The following ABCC1 variants were observed in gnomAD, a reference collection of about 807,000 sequenced individuals.
ABCC1 encodes multidrug resistance-associated protein 1.
Under a neutral mutation model 172.9 loss-of-function variants are expected in ABCC1, and 83 were observed. The observed-to-expected ratio is 0.48, with a 90% CI of 0.40 to 0.58. ABCC1 has a LOEUF of 0.58. ABCC1 is among the 20% of genes least tolerant of loss of function. ABCC1 has a pLI of 0.00. For synonymous variants in ABCC1, 937 were observed against 825.2 expected (o/e 1.14, Z -2.32); for missense variants, 1,817 against 2,002.7 (o/e 0.91, Z 1.77).
Position 16,052,785 on chromosome 16 carries a change from C to T in ABCC1, c.1442C>T (p.Ala481Val). ...AVMVLMVPVN[A>V]VMAMKTKTYQ... ...ATGGTCCTCATGGTGCCCGTCAATG[C>T]TGTGATGGCGATGAAGACCAAGACG... The change falls in exon 11 of 31, where the codon GCT becomes GTT. Residue 481 changes from alanine to valine, a missense_variant. Physicochemically the swap from Ala to Val is moderately conservative, Grantham distance 64 (BLOSUM62 0). This residue lies in a region of ABCC1 where 1,412 missense variants were observed against 1,600.3 expected (regional missense o/e 0.88). Coordinates refer to ENST00000399410, the MANE Select transcript of ABCC1 (RefSeq NM_004996.4). 1 of 1,614,126 alleles carries T rather than the reference C, an allele frequency of 6.2e-7. No homozygotes were observed.
At chr16:16,085,712 G>A (rs1172528552) in intron 17 of ABCC1, among the ~76,000 whole-genome samples, 1 of 152,174 alleles carries the variant, frequency 6.6e-6, no homozygotes, top group South Asian at 2.1e-4. Context: ...CCTGGGAAGC[G>A]GAGATTACAG....
intron 19 of ABCC1, among the ~76,000 whole-genome samples, chr16:16,091,745 C>T (rs2051264858): frequency 6.6e-6 from 1 of 152,156 alleles, no homozygotes; most frequent in Non-Finnish European, 1.5e-5. Flanking sequence ...CAGGGCCTTC[C>T]AGGTGGGTTT....
At chr16:16,126,922 GAGAAAA>G (rs2045465642) in intron 26 of ABCC1, among the ~76,000 whole-genome samples, 1 of 152,140 alleles carries the variant, frequency 6.6e-6, no homozygotes, top group Non-Finnish European at 1.5e-5. Flanking sequence ...TTTATAGATG[GAGAAAA>G]AGGGAACCTG....
At chr16:16,102,985 G>A (rs924245907) in intron 20 of ABCC1, among the ~76,000 whole-genome samples, 3 of 152,318 alleles carry the variant, frequency 2.0e-5, no homozygotes, top group African/African-American at 4.8e-5. Context: ...TCCCTACATG[G>A]TGTGGGTCTT....
At chr16:16,049,353 G>A (rs1431929461) in intron 10 of ABCC1, among the ~76,000 whole-genome samples, 2 of 152,190 alleles carry the variant, frequency 1.3e-5, no homozygotes, top group Non-Finnish European at 2.9e-5. Flanking sequence ...TCATTGGCCA[G>A]CCTGGGTCAC....
At chr16:15,949,611 GCGCCGCCGC>G (rs554094723) in exon 1 of ABCC1, 26 of 163,584 alleles carry the variant, frequency 1.6e-4, 1 homozygote, top group South Asian at 3.6e-4. Flanking sequence ...CCGGCTCCCT[GCGCCGCCGC>G]CGCCGCCGCC....
intron 3 of ABCC1, among the ~76,000 whole-genome samples, chr16:16,013,917 C>T (rs45601533): frequency 0.4 from 60,578 of 151,766 alleles, 13,835 homozygotes; most frequent in Non-Finnish European, 0.52. Flanking sequence ...AGGCAGAGAG[C>T]AGGGGCGATG....
intron 19 of ABCC1, among the ~76,000 whole-genome samples, chr16:16,100,361 G>A (rs1030187224): frequency 6.7e-4 from 6 of 9,020 alleles, no homozygotes; most frequent in Admixed American, 2.2e-3. Context: ...GCTGGTAGGA[G>A]AGCGGGGGGG....
intron 7 of ABCC1, among the ~76,000 whole-genome samples, chr16:16,042,781 C>G (rs944673213): frequency 6.6e-6 from 1 of 151,960 alleles, no homozygotes; most frequent in Non-Finnish European, 1.5e-5. Context: ...ATACACCGCA[C>G]AATTCATGTA....
chr16:16,103,840 G>A (rs1308891543), intron 20 of ABCC1, among the ~76,000 whole-genome samples: 1 of 152,112 alleles, frequency 6.6e-6, no homozygotes, highest in Non-Finnish European at 1.5e-5. Flanking sequence ...GGTGGGTCTT[G>A]GTCTCACTGA....
intron 2 of ABCC1, among the ~76,000 whole-genome samples, chr16:16,008,277 A>T (rs553592042): frequency 1.2e-4 from 18 of 152,186 alleles, no homozygotes; most frequent in Non-Finnish European, 2.2e-4. Flanking sequence ...TTCTCAAGGC[A>T]TTCCTGGGAG....
At chr16:16,101,437 C>T (rs1269148611) in intron 19 of ABCC1, among the ~76,000 whole-genome samples, 1 of 152,202 alleles carries the variant, frequency 6.6e-6, no homozygotes, top group African/African-American at 2.4e-5. Context: ...CTGCAGCCCC[C>T]TCTTCCCTTC....
intron 30 of ABCC1, 27 bp from the exon 31 acceptor site, chr16:16,141,146 C>A (rs1266999052): frequency 2.5e-6 from 4 of 1,607,550 alleles, no homozygotes; most frequent in Admixed American, 3.3e-5. Flanking sequence ...TCCCCTTCCC[C>A]TCATGTCTGT....
intron 1 of ABCC1, among the ~76,000 whole-genome samples, chr16:16,005,157 G>GT (rs1218979943): frequency 6.7e-6 from 1 of 150,222 alleles, no homozygotes; most frequent in Non-Finnish European, 1.5e-5. Context: ...TCAGGTGATC[G>GT]TGGGAGGGCT....
At chr16:16,135,181 C>T (rs564325550) in intron 28 of ABCC1, among the ~76,000 whole-genome samples, 2 of 152,132 alleles carry the variant, frequency 1.3e-5, no homozygotes, top group African/African-American at 2.4e-5. Flanking sequence ...TTTTAATTTT[C>T]GATTCACGGG....
chr16:16,004,618 G>A (rs11075291), intron 1 of ABCC1, among the ~76,000 whole-genome samples: 77,794 of 150,732 alleles, frequency 0.52, 20,618 homozygotes, highest in Non-Finnish European at 0.59. Flanking sequence ...GATGTTTCCT[G>A]GCTAAATCTC....
chr16:15,982,680 G>T (rs2151591204), intron 1 of ABCC1, among the ~76,000 whole-genome samples: 1 of 149,876 alleles, frequency 6.7e-6, no homozygotes, highest in Non-Finnish European at 1.5e-5. Context: ...GGTGGCTCAT[G>T]CCTGTATCCC....
chr16:16,123,542 A>T (rs372984081), intron 24 of ABCC1, among the ~76,000 whole-genome samples: 37 of 152,178 alleles, frequency 2.4e-4, no homozygotes, highest in African/African-American at 8.4e-4. Context: ...CAGGAGAATC[A>T]CTTGAACCCA....
At chr16:16,078,838 C>G (rs2050692057) in intron 15 of ABCC1, among the ~76,000 whole-genome samples, 1 of 152,160 alleles carries the variant, frequency 6.6e-6, no homozygotes, top group Non-Finnish European at 1.5e-5. Flanking sequence ...ACCACCACGC[C>G]TGGCTAATTT....
Sources: allele counts gnomAD v4.1 joint callset (sites outside exome capture counted in the v4.1 genomes callset), GRCh38; gene constraint gnomAD v4.1.1; regional missense constraint gnomAD v4.1.1; transcripts MANE v1.5; gene names NCBI Gene and HGNC (gene_info 2026-07-23, HGNC 2026-07-21).